The following CNTN4 variants were observed in gnomAD, a reference collection of about 807,000 sequenced individuals.
CNTN4 encodes contactin 4, also known as contactin-4.
A neutral mutation model predicts 122.5 loss-of-function variants in CNTN4; 77 were observed. The observed-to-expected ratio is 0.63, with a 90% CI of 0.52 to 0.76. CNTN4 has a LOEUF of 0.76. Among genes scored for constraint, CNTN4 ranks in the 30% least tolerant of loss-of-function variants. The probability of loss-of-function intolerance (pLI) is 0.00; values close to 1 mark genes in which losing one functional copy is unlikely to be tolerated. For synonymous variants in CNTN4, 512 were observed against 447.0 expected, an observed-to-expected ratio of 1.15 and a Z score of -1.83; for missense variants, 1,256 against 1,259.1, an observed-to-expected ratio of 1.00 and a Z score of 0.04.
At chr3:3,025,562 T>C (rs553425907) in intron 14 of CNTN4, among the ~76,000 whole-genome samples, 10 of 152,300 alleles carry the variant, frequency 6.6e-5, no homozygotes, top group African/African-American at 2.2e-4. Context: ...GGGGAAATTA[T>C]ACCACCATGA....
rs540526693 is a variant in CNTN4 at position 2,276,713 on chromosome 3, A to G, written c.-144-62465A>G. Among the ~76,000 whole-genome samples, 20 of 152,186 alleles carry G rather than the reference A, an allele frequency of 1.3e-4. 1 individual carries two copies. In the South Asian group the frequency reaches 4.0e-3, roughly 30 times the overall value. On this transcript the variant is annotated intron_variant, in intron 2 of 24. Coordinates refer to ENST00000418658, the MANE Select transcript of CNTN4 (RefSeq NM_175607.3). Reference sequence around the variant, plus strand: ...ACTATATCACTATACTTGTAGACCAAGGGATTTGTCTGGCCAACATGGTGA... The same window carrying G: ...ACTATATCACTATACTTGTAGACCAGGGGATTTGTCTGGCCAACATGGTGA...
At chr3:2,676,701 A>G (rs1381143546) in intron 4 of CNTN4, among the ~76,000 whole-genome samples, 2 of 152,210 alleles carry the variant, frequency 1.3e-5, no homozygotes, top group Non-Finnish European at 2.9e-5. Context: ...GTTGTTTTTG[A>G]AATTTACAGA....
chr3:3,003,696 A>C (rs1574785081), intron 14 of CNTN4, among the ~76,000 whole-genome samples: 3 of 144,874 alleles, frequency 2.1e-5, no homozygotes, highest in African/African-American at 5.4e-5. Context: ...AAAAAAAAAA[A>C]AAAAAAAAAA....
chr3:2,589,827 G>A (rs1016641058), intron 4 of CNTN4, among the ~76,000 whole-genome samples: 1 of 152,186 alleles, frequency 6.6e-6, no homozygotes, highest in African/African-American at 2.4e-5. Context: ...GCTCCCTATG[G>A]CTGCTTGAGT....
At chr3:2,680,700 T>C (rs1253515138) in intron 4 of CNTN4, among the ~76,000 whole-genome samples, 1 of 152,180 alleles carries the variant, frequency 6.6e-6, no homozygotes, top group East Asian at 1.9e-4. Flanking sequence ...TTAAAAATTA[T>C]GTTTTTGAAG....
chr3:2,322,843 C>A (rs779273121), intron 2 of CNTN4, among the ~76,000 whole-genome samples: 13 of 152,074 alleles, frequency 8.5e-5, no homozygotes, highest in Non-Finnish European at 1.9e-4. Context: ...ATTCTAAGAT[C>A]TTTAAAATAG....
intron 2 of CNTN4, among the ~76,000 whole-genome samples, chr3:2,222,539 T>C (rs1559355250): frequency 6.6e-6 from 1 of 152,276 alleles, no homozygotes; most frequent in East Asian, 1.9e-4. Context: ...TTTTAATTTT[T>C]TTAAATAGGC....
In CNTN4 at chr3:2,803,120, C is replaced by G. The variant is rs138702514; in HGVS notation, c.359-16366C>G. ...AGAAAAATAAAAATCCTTTATATAACTGGGTAAATGATATGAACTGGCATT... is the reference window on the plus strand; with the variant it reads ...AGAAAAATAAAAATCCTTTATATAAGTGGGTAAATGATATGAACTGGCATT... On this transcript the variant is annotated intron_variant, in intron 6 of 24. Coordinates refer to ENST00000418658, the MANE Select transcript of CNTN4 (RefSeq NM_175607.3). 4.3e-4 allele frequency among the ~76,000 whole-genome samples: 66 copies of G among 152,206 alleles called. 1 individual carries two copies. Among genetic ancestry groups the G allele is most frequent in the African/African-American group, 1.5e-3 (63 of 41,516 alleles).
intron 13 of CNTN4, among the ~76,000 whole-genome samples, chr3:2,985,079 T>G (rs1294381306): frequency 2.0e-5 from 3 of 152,264 alleles, no homozygotes; most frequent in Admixed American, 6.5e-5. Context: ...ACAAAAGGCC[T>G]TCTTGTCTGT....
chr3:2,229,915 G>A (rs1037215925), intron 2 of CNTN4, among the ~76,000 whole-genome samples: 6 of 152,156 alleles, frequency 3.9e-5, no homozygotes, highest in East Asian at 3.8e-4. Flanking sequence ...GTTGTGTAGC[G>A]TACTCCAAAT....
chr3:2,619,349 A>G (rs772797815), intron 4 of CNTN4, among the ~76,000 whole-genome samples: 2 of 152,242 alleles, frequency 1.3e-5, no homozygotes, highest in Non-Finnish European at 2.9e-5. Context: ...TCTAGTAGCA[A>G]TAGACATTGA....
chr3:2,915,777 TAGTC>T (rs1259645721), intron 12 of CNTN4, among the ~76,000 whole-genome samples: 3 of 152,296 alleles, frequency 2.0e-5, no homozygotes, highest in African/African-American at 7.2e-5. Context: ...TTATTCACAA[TAGTC>T]AGGAGGTGGA....
intron 13 of CNTN4, among the ~76,000 whole-genome samples, chr3:2,926,896 T>C (rs1187081871): frequency 1.3e-5 from 2 of 152,200 alleles, no homozygotes; most frequent in African/African-American, 4.8e-5. Flanking sequence ...AATGTTGACA[T>C]GGCATTCAAA....
At chr3:2,401,607 A>G (rs578257627) in intron 3 of CNTN4, among the ~76,000 whole-genome samples, 1 of 152,234 alleles carries the variant, frequency 6.6e-6, no homozygotes, top group South Asian at 2.1e-4. Context: ...TTGATTGAAG[A>G]CAATCTGAGT....
intron 6 of CNTN4, among the ~76,000 whole-genome samples, chr3:2,759,176 A>T (rs1398796404): frequency 6.6e-6 from 1 of 151,670 alleles, no homozygotes; most frequent in African/African-American, 2.4e-5. Context: ...TTTTTTTGAG[A>T]TGGAGTTTTG....
At chr3:2,120,405 A>ATATTTTTT (rs1428527983) in intron 2 of CNTN4, among the ~76,000 whole-genome samples, 1 of 40,880 alleles carries the variant, frequency 2.4e-5, no homozygotes, top group African/African-American at 1.1e-4. Flanking sequence ...ATATATATAT[A>ATATTTTTT]TTTTTTTTTT....
In CNTN4 at chr3:2,377,654, T is replaced by G. The variant is rs575127831; in HGVS notation, c.-89+38421T>G. ...AGATACCCGGAATATTTATAACATA[T>G]GTTTGCATAAAGCAAGCTTGTCCAA... On this transcript the variant is annotated intron_variant, in intron 3 of 24. Transcript: ENST00000418658. 9.8e-5 allele frequency among the ~76,000 whole-genome samples: 15 copies of G among 152,354 alleles called. No homozygotes were observed. In the East Asian group the frequency reaches 1.9e-3, roughly 20 times the overall value.
At chr3:2,349,984 A>C (rs1464652887) in intron 3 of CNTN4, among the ~76,000 whole-genome samples, 1 of 152,196 alleles carries the variant, frequency 6.6e-6, no homozygotes, top group Non-Finnish European at 1.5e-5. Context: ...GGGACAGGGA[A>C]CAGACTTAGA....
chr3:2,327,373 A>T (rs1354238), intron 2 of CNTN4, among the ~76,000 whole-genome samples: 53,629 of 152,014 alleles, frequency 0.35, 10,399 homozygotes, highest in East Asian at 0.8. Context: ...CATCCTCCTT[A>T]TGCTATTTAG....
Sources: gnomAD v4.1 joint callset for allele counts (sites outside exome capture counted in the v4.1 genomes callset) on GRCh38, gnomAD v4.1.1 for gene constraint, MANE v1.5 for transcripts, NCBI Gene and HGNC (gene_info 2026-07-23, HGNC 2026-07-21) for gene names.